PTPRN2: variants seen among roughly 807,000 people sequenced by gnomAD.
The protein encoded by PTPRN2 is receptor-type tyrosine-protein phosphatase N2.
In PTPRN2, 74 loss-of-function variants were observed where a neutral mutation model predicts 118.8. The observed-to-expected ratio is 0.62, with a 90% confidence interval of 0.52 to 0.76. PTPRN2 has a LOEUF of 0.76. Among genes scored for constraint, PTPRN2 ranks in the 30% least tolerant of loss-of-function variants. The probability of loss-of-function intolerance (pLI) is 0.00; values close to 1 mark genes in which losing one functional copy is unlikely to be tolerated. For synonymous variants in PTPRN2, 641 were observed against 608.0 expected (o/e 1.05, Z -0.80); for missense variants, 1,481 against 1,394.4 (o/e 1.06, Z -0.99).
chr7:157,655,650 G>A (rs1156265689), intron 14 of PTPRN2, among the ~76,000 whole-genome samples: 3 of 152,184 alleles, frequency 2.0e-5, no homozygotes, highest in African/African-American at 7.2e-5. Flanking sequence ...CTCCAGTGCG[G>A]GAAACAGCAC....
At chr7:158,580,497 A>G (rs1314241971) in intron 1 of PTPRN2, among the ~76,000 whole-genome samples, 3 of 152,154 alleles carry the variant, frequency 2.0e-5, no homozygotes, top group Non-Finnish European at 4.4e-5. Flanking sequence ...ACCTTTCAGA[A>G]CCACGTGGTG....
At chr7:158,135,848 A>G (rs1288138810) in intron 8 of PTPRN2, among the ~76,000 whole-genome samples, 3 of 152,226 alleles carry the variant, frequency 2.0e-5, no homozygotes, top group Non-Finnish European at 4.4e-5. Flanking sequence ...ATGACTAACC[A>G]AAGACTCTTC....
At chr7:157,996,588 C>A (rs1303426206) in intron 11 of PTPRN2, among the ~76,000 whole-genome samples, 3 of 152,236 alleles carry the variant, frequency 2.0e-5, no homozygotes, top group African/African-American at 7.2e-5. Flanking sequence ...GGGCCGGTCC[C>A]CCATGCCTGT....
At chr7:157,774,106 G>C (rs1803045966) in intron 12 of PTPRN2, among the ~76,000 whole-genome samples, 3 of 152,224 alleles carry the variant, frequency 2.0e-5, no homozygotes, top group Admixed American at 6.5e-5. Context: ...TACTTACTAG[G>C]AGCTGGCTAC....
intron 6 of PTPRN2, among the ~76,000 whole-genome samples, chr7:158,143,971 C>T (rs1482483928): frequency 1.3e-5 from 2 of 152,092 alleles, no homozygotes; most frequent in Non-Finnish European, 2.9e-5. Flanking sequence ...ACTGCAGCCC[C>T]GGGCCACCAC....
intron 11 of PTPRN2, among the ~76,000 whole-genome samples, chr7:158,010,393 G>A (rs1805956767): frequency 6.6e-6 from 1 of 152,182 alleles, no homozygotes; most frequent in South Asian, 2.1e-4. Context: ...AGCATTGGGT[G>A]GTTCCCAGTG....
At chr7:158,025,254 CA>C (rs1417128764) in intron 11 of PTPRN2, among the ~76,000 whole-genome samples, 1 of 152,180 alleles carries the variant, frequency 6.6e-6, no homozygotes, top group Non-Finnish European at 1.5e-5. Flanking sequence ...GGTAAAGCCA[CA>C]ATGCAGTTGA....
At position 157,874,279 on chromosome 7, in the gene PTPRN2, A is replaced by G. The variant is rs1795577727; in HGVS notation, c.1788+24394T>C. 1.3e-5 allele frequency among the ~76,000 whole-genome samples: 2 copies of G among 152,070 alleles called. No individual in the cohort carries two copies. Among genetic ancestry groups the G allele is most frequent in the Admixed American group, 1.3e-4 (2 of 15,274 alleles). On this transcript the variant is annotated intron_variant, in intron 12 of 22. Transcript: ENST00000389418. The surrounding 1 kb of genome is among the most constrained non-coding windows in gnomAD (Gnocchi z 5.8). ...TGGCTCCCCATGGCCTGCAAATCAG[A>G]TCACAGCCCCTAAGCCTGGACTGCA...
At chr7:157,823,804 A>G (rs886289525) in intron 12 of PTPRN2, among the ~76,000 whole-genome samples, 1 of 152,194 alleles carries the variant, frequency 6.6e-6, no homozygotes, top group African/African-American at 2.4e-5. Flanking sequence ...TTTTGATCAC[A>G]TCAAGCTTTT....
intron 6 of PTPRN2, among the ~76,000 whole-genome samples, chr7:158,139,539 G>C (rs903697117): frequency 2.0e-5 from 3 of 152,016 alleles, no homozygotes; most frequent in Non-Finnish European, 4.4e-5. Flanking sequence ...AAGCCCACAA[G>C]TCTCTCAAAT....
At chr7:158,048,353 C>T (rs1182089649) in intron 11 of PTPRN2, among the ~76,000 whole-genome samples, 3 of 152,122 alleles carry the variant, frequency 2.0e-5, no homozygotes, top group Non-Finnish European at 2.9e-5. Context: ...CCACGGGCAT[C>T]TCCTCTTGGT....
intron 4 of PTPRN2, among the ~76,000 whole-genome samples, chr7:158,200,568 A>G (rs1390301178): frequency 6.6e-6 from 1 of 152,242 alleles, no homozygotes; most frequent in Non-Finnish European, 1.5e-5. Context: ...ATATAATTAT[A>G]AACTATTTAT....
intron 6 of PTPRN2, among the ~76,000 whole-genome samples, chr7:158,155,751 T>TCAACACTATCATTACCATCATCAA (rs1563529991): frequency 2.4e-4 from 5 of 20,934 alleles, no homozygotes; most frequent in East Asian, 7.2e-3. Context: ...ATCATCACCA[T>TCAACACTATCATTACCATCATCAA]CACCATCATC....
chr7:158,171,218 CATATATACACACATAT>C (rs1242734955), intron 5 of PTPRN2, among the ~76,000 whole-genome samples: 25 of 109,490 alleles, frequency 2.3e-4, no homozygotes, highest in African/African-American at 9.3e-4. Context: ...TATATACACA[CATATATACACACATAT>C]ATATACACAT....
chr7:157,568,877 CA>C, intron 21 of PTPRN2, 24 bp downstream of exon 21: 2 of 1,534,842 alleles, frequency 1.3e-6, no homozygotes, highest in Non-Finnish European at 1.8e-6. Flanking sequence ...TGAGCCGCAA[CA>C]AAGCGGCAGT....
chr7:157,983,399 G>T (rs1345140398), intron 11 of PTPRN2, among the ~76,000 whole-genome samples: 1 of 151,242 alleles, frequency 6.6e-6, no homozygotes, highest in African/African-American at 2.4e-5. Flanking sequence ...AGAGTACTGG[G>T]TTCCCCCCTA....
chr7:157,811,927 G>A (rs961600730), intron 12 of PTPRN2, among the ~76,000 whole-genome samples: 4 of 152,156 alleles, frequency 2.6e-5, no homozygotes, highest in African/African-American at 7.2e-5. Context: ...ATGAGTCTCC[G>A]ACAGGTGATA....
At chr7:157,835,993 C>G (rs1355117237) in intron 12 of PTPRN2, among the ~76,000 whole-genome samples, 2 of 152,096 alleles carry the variant, frequency 1.3e-5, no homozygotes, top group Non-Finnish European at 2.9e-5. Context: ...ACAAGCCTGG[C>G]AGAACATTGG....
intron 3 of PTPRN2, among the ~76,000 whole-genome samples, chr7:158,257,406 G>A (rs766162146): frequency 6.6e-5 from 10 of 152,158 alleles, no homozygotes; most frequent in African/African-American, 2.4e-5. Context: ...ATGAGATGGC[G>A]TGATTTGAGG....
Sources: gnomAD v4.1 joint callset for allele counts (sites outside exome capture counted in the v4.1 genomes callset) on GRCh38, gnomAD v4.1.1 for gene constraint, Gnocchi (gnomAD v3.1) non-coding constraint, MANE v1.5 for transcripts, NCBI Gene and HGNC (gene_info 2026-07-23, HGNC 2026-07-21) for gene names.